Variants in OR8U3 observed in about 807,000 individuals in gnomAD.
The protein encoded by OR8U3 is olfactory receptor family 8 subfamily U member 3.
For missense variants in OR8U3, 429 were observed against 388.6 expected (o/e 1.10, Z -0.88); for synonymous variants, 170 against 147.0 (o/e 1.16, Z -1.13).
chr11:56,417,416 T>A lies in OR8U3; in HGVS notation c.817A>T (p.Met273Leu). The change falls in exon 1 of 1, where the codon ATG becomes TTG. Residue 273 changes from methionine to leucine, a missense_variant. Physicochemically the swap from Met to Leu is conservative, Grantham distance 15. Coordinates refer to ENST00000623286, the MANE Select transcript of OR8U3 (RefSeq NM_001004744.1). ...KSNHSLDTDK[M>L]ASVFYTVVIP... is the part of the protein sequence containing the mutation. ...ACCACTGTGTAAAATACAGAAGCCA[T>A]CTTGTCTGTGTCCAAGGAGTGATTT... 1 of 1,613,454 alleles carries A rather than the reference T, an allele frequency of 6.2e-7. No homozygotes were observed. Among genetic ancestry groups the A allele is most frequent in the Non-Finnish European group, 8.5e-7 (1 of 1,179,404 alleles).
rs372466016 is a variant in OR8U3, at chr11:56,417,750, A to C, written c.483T>G (p.Val161=). The part of the protein sequence containing the change: ...YSFLVALFHT[V]ITFRLTYCGP... The stretch of plus-strand genomic sequence containing the variant: ...CACAGTAAGTCAGACGGAAAGTGAT[A>C]ACGGTGTGGAAGAGGGCAACCAGGA... Residue 161 remains valine, a synonymous_variant, in exon 1 of 1, where the codon GTT becomes GTG. Coordinates refer to ENST00000623286, the MANE Select transcript of OR8U3 (RefSeq NM_001004744.1). 46 of 1,614,046 alleles carry C rather than the reference A, an allele frequency of 2.8e-5. No individual in the cohort carries two copies. In the African/African-American group the frequency reaches 5.5e-4, roughly 19 times the overall value.
In OR8U3 at chr11:56,417,609, G is replaced by A; in HGVS notation, c.624C>T (p.Ile208=). The change falls in exon 1 of 1, where the codon ATC becomes ATT. Residue 208 remains isoleucine, a synonymous_variant. Transcript: ENST00000623286. Reference sequence around the variant, plus strand: ...AGGTGAGGACAATGGAAGAGGAAGAGATCATATCAAAGCCAGCAAAGGCAA... The same window carrying A: ...AGGTGAGGACAATGGAAGAGGAAGAAATCATATCAAAGCCAGCAAAGGCAA... The part of the protein sequence containing the change: ...LIFAFAGFDM[I]SSSSIVLTSY... 6.2e-7 allele frequency: 1 copy of A among 1,613,962 alleles called. No homozygotes were observed. Among genetic ancestry groups the A allele is most frequent in the East Asian group, 2.2e-5 (1 of 44,872 alleles).
rs1565136003 is a variant in OR8U3, at chr11:56,417,492, A to G, written c.741T>C (p.Thr247=). The change falls in exon 1 of 1, where the codon ACT becomes ACC. Residue 247 remains threonine, a synonymous_variant. Transcript: ENST00000623286. The part of the protein sequence containing the change: ...AISTCGSHMV[T]VTIFYGTLIF... ...TCAGTGTGCCATAGAAAATAGTGAC[A>G]GTCACCATATGGGAGCCACAGGTGG... 6.2e-7 allele frequency: 1 copy of G among 1,614,026 alleles called. No individual in the cohort carries two copies. The highest frequency in any genetic ancestry group is 8.5e-7 in the Non-Finnish European group (1 of 1,179,920).
Position 56,418,060 on chromosome 11 carries a change from G to C in OR8U3, c.173C>G (p.Pro58Arg), listed in dbSNP as rs1056938120. ...CAGGTGGCTGAGGAAATAGTACATAGGTGTGTGGAGTCGAGTATCAATCTT... is the reference window on the plus strand; with the variant it reads ...CAGGTGGCTGAGGAAATAGTACATACGTGTGTGGAGTCGAGTATCAATCTT... Reference protein sequence around the residue: ...LIKIDTRLHTPMYYFLSHLAF... With the variant: ...LIKIDTRLHTRMYYFLSHLAF... Residue 58 changes from proline (P) to arginine (R), a missense_variant, in exon 1 of 1, where the codon CCT becomes CGT. By Grantham distance (103) the Pro-to-Arg change is moderately radical. Coordinates refer to ENST00000623286, the MANE Select transcript of OR8U3 (RefSeq NM_001004744.1). The C allele has an allele frequency of 6.2e-7, 1 of 1,613,768 alleles. No individual in the cohort carries two copies. The highest frequency in any genetic ancestry group is 2.2e-5 in the East Asian group (1 of 44,856).
rs1192989882 is a variant in OR8U3, at chr11:56,417,929, C to A, written c.304G>T (p.Gly102Cys). The stretch of plus-strand genomic sequence containing the variant: ...GTGATCATGAAGGTGAGAAAACAAC[C>A]CAGTTGGGTTGCACAAGCATGGAAA... ...IPFHACATQLGCFLTFMITEC... is the reference protein window; with the variant it reads ...IPFHACATQLCCFLTFMITEC... Residue 102 changes from glycine (G) to cysteine (C), a missense_variant, in exon 1 of 1, where the codon GGT (glycine) becomes TGT (cysteine). Transcript: ENST00000623286. 12 of 1,613,780 alleles carry A rather than the reference C, an allele frequency of 7.4e-6. 1 individual carries two copies. In the South Asian group the frequency reaches 7.7e-5, roughly 10 times the overall value.
At position 56,417,839 on chromosome 11, in the gene OR8U3, A is replaced by G. The variant is rs17150578; in HGVS notation, c.394T>C (p.Tyr132His). 9.0e-4 allele frequency: 1,455 copies of G among 1,613,824 alleles called. 15 individuals are homozygous for G. In the African/African-American group the frequency reaches 0.017, roughly 19 times the overall value. ...ACTCTTCTTGACATCAGTGTTGAAT[A>G]ATGCAGGGGACTACAGATGGCGACA... The part of the protein sequence containing the change: ...CYVAICSPLH[Y>H]STLMSRRVCI... Residue 132 changes from tyrosine to histidine, a missense_variant, in exon 1 of 1, where the codon TAT becomes CAT. By Grantham distance (83) the Tyr-to-His change is moderately conservative. Coordinates refer to ENST00000623286, the MANE Select transcript of OR8U3 (RefSeq NM_001004744.1).
At position 56,417,499 on chromosome 11, in the gene OR8U3, A is replaced by G. The variant is rs200366477; in HGVS notation, c.734T>C (p.Met245Thr). The change falls in exon 1 of 1, where the codon ATG (methionine) becomes ACG (threonine). Residue 245 changes from methionine (M) to threonine (T), a missense_variant. By Grantham distance (81) the Met-to-Thr change is moderately conservative. Coordinates refer to ENST00000623286, the MANE Select transcript of OR8U3 (RefSeq NM_001004744.1). ...HKAISTCGSH[M>T]VTVTIFYGTL... Reference sequence around the variant, plus strand: ...GCCATAGAAAATAGTGACAGTCACCATATGGGAGCCACAGGTGGAAATGGC... The same window carrying G: ...GCCATAGAAAATAGTGACAGTCACCGTATGGGAGCCACAGGTGGAAATGGC... 6 of 1,614,062 alleles carry G rather than the reference A, an allele frequency of 3.7e-6. No individual in the cohort carries two copies. Among genetic ancestry groups the G allele is most frequent in the Non-Finnish European group, 5.1e-6 (6 of 1,179,946 alleles).
In OR8U3 at chr11:56,417,904, G is replaced by A. The variant is rs1251565937; in HGVS notation, c.329C>T (p.Thr110Ile). Reference sequence around the variant, plus strand: ...CATGGAGGCTAGAAGGAAACACTCAGTGATCATGAAGGTGAGAAAACAACC... The same window carrying A: ...CATGGAGGCTAGAAGGAAACACTCAATGATCATGAAGGTGAGAAAACAACC... ...QLGCFLTFMI[T>I]ECFLLASMAY... Residue 110 changes from threonine (T) to isoleucine (I), a missense_variant, in exon 1 of 1, where the codon ACT (threonine) becomes ATT (isoleucine). Transcript: ENST00000623286. The A allele has an allele frequency of 2.5e-6, 4 of 1,613,882 alleles. No individual in the cohort carries two copies. In the South Asian group the frequency reaches 4.4e-5, roughly 18 times the overall value.
chr11:56,417,323 C>A lies in OR8U3; in HGVS notation c.910G>T (p.Ala304Ser). The change falls in exon 1 of 1, where the codon GCC becomes TCC. Residue 304 changes from alanine to serine, a missense_variant. Coordinates refer to ENST00000623286, the MANE Select transcript of OR8U3 (RefSeq NM_001004744.1). The stretch of plus-strand genomic sequence containing the variant: ...AAGTTTTCACAACCTTTATCCAAGG[C>A]TTTCTTTGAGGCATCTTTCACTTCT... ...NKEVKDASKK[A>S]LDKGCENLQI... is the part of the protein sequence containing the mutation. 3.8e-6 allele frequency: 6 copies of A among 1,589,702 alleles called. No individual in the cohort carries two copies. In the Middle Eastern group the frequency reaches 1.0e-3, roughly 266 times the overall value.
At position 56,417,267 on chromosome 11, in the gene OR8U3, T is replaced by C; in HGVS notation, c.966A>G (p.Lys322=). 4.5e-6 allele frequency: 6 copies of C among 1,334,474 alleles called. No homozygotes were observed. The highest frequency in any genetic ancestry group is 2.3e-5 in the Admixed American group (1 of 43,920). 82.7% of individuals were successfully genotyped at this position (1,334,474 alleles called of 1,614,324 possible). A position where few individuals can be genotyped will look rare whatever the true frequency, so the allele number is the denominator to read the frequency against. ...TTTATTTCCTGCTTGTTTAATAAAG[T>C]TTTCTTATTTTTAAAAATGTTAATA... ...LQILTFLKIR[K]LY is the part of the protein sequence containing the mutation. Residue 322 remains lysine (K), a synonymous_variant, in exon 1 of 1, where the codon AAA becomes AAG. Coordinates refer to ENST00000623286, the MANE Select transcript of OR8U3 (RefSeq NM_001004744.1).
chr11:56,417,831 T>C lies in OR8U3; in HGVS notation c.402A>G (p.Thr134=). ...VAICSPLHYS[T]LMSRRVCIQL... is the part of the protein sequence containing the mutation. ...GAATGCAGACTCTTCTTGACATCAG[T>C]GTTGAATAATGCAGGGGACTACAGA... is the stretch of plus-strand genomic sequence containing the variant. Residue 134 remains threonine (T), a synonymous_variant, in exon 1 of 1, where the codon ACA becomes ACG. Transcript: ENST00000623286. The C allele has an allele frequency of 6.2e-7, 1 of 1,613,776 alleles. No homozygotes were observed. Among genetic ancestry groups the C allele is most frequent in the Non-Finnish European group, 8.5e-7 (1 of 1,179,822 alleles).
Position 56,417,335 on chromosome 11 carries a change from C to T in OR8U3, c.898G>A (p.Ala300Thr), listed in dbSNP as rs145434076. Residue 300 changes from alanine to threonine, a missense_variant, in exon 1 of 1, where the codon GCC becomes ACC. Physicochemically the swap from Ala to Thr is moderately conservative, Grantham distance 58. Coordinates refer to ENST00000623286, the MANE Select transcript of OR8U3 (RefSeq NM_001004744.1). The part of the protein sequence containing the change: ...YSLRNKEVKD[A>T]SKKALDKGCE... ...CCTTTATCCAAGGCTTTCTTTGAGG[C>T]ATCTTTCACTTCTTTGTTCCTTAGA... The T allele has an allele frequency of 1.7e-4, 265 of 1,600,664 alleles. No homozygotes were observed. The African/African-American group carries it at 3.2e-3, about 19-fold the overall frequency.
chr11:56,418,047 G>A lies in OR8U3; in HGVS notation c.186C>T (p.Phe62=). 2 of 1,613,786 alleles carry A rather than the reference G, an allele frequency of 1.2e-6. No individual in the cohort carries two copies. The highest frequency in any genetic ancestry group is 1.7e-6 in the Non-Finnish European group (2 of 1,179,842). Residue 62 remains phenylalanine, a synonymous_variant, in exon 1 of 1, where the codon TTC becomes TTT. Transcript: ENST00000623286. ...DTRLHTPMYY[F]LSHLAFVDLC... The stretch of plus-strand genomic sequence containing the variant: ...GGTCAACAAAGGCCAGGTGGCTGAG[G>A]AAATAGTACATAGGTGTGTGGAGTC...
At position 56,417,785 on chromosome 11, in the gene OR8U3, T is replaced by C. The variant is rs1464900702; in HGVS notation, c.448A>G (p.Ile150Val). 2 of 1,613,838 alleles carry C rather than the reference T, an allele frequency of 1.2e-6. No individual in the cohort carries two copies. The highest frequency in any genetic ancestry group is 1.3e-5 in the African/African-American group (1 of 74,898). Residue 150 changes from isoleucine to valine, a missense_variant, in exon 1 of 1, where the codon ATA becomes GTA. Physicochemically the swap from Ile to Val is conservative, Grantham distance 29 (BLOSUM62 3). Transcript: ENST00000623286. ...VCIQLVAVPY[I>V]YSFLVALFHT... ...AAGAGGGCAACCAGGAAGCTGTATA[T>C]ATATGGAACTGCCACCAGTTGAATG...
In OR8U3 at chr11:56,417,717, G is replaced by T; in HGVS notation, c.516C>A (p.Asn172Lys). The T allele has an allele frequency of 6.2e-7, 1 of 1,614,008 alleles. No individual in the cohort carries two copies. Among genetic ancestry groups the T allele is most frequent in the East Asian group, 2.2e-5 (1 of 44,876 alleles). Residue 172 changes from asparagine (N) to lysine (K), a missense_variant, in exon 1 of 1, where the codon AAC (asparagine) becomes AAA (lysine). Asn to Lys is a moderately conservative substitution (Grantham distance 94, BLOSUM62 0). Transcript: ENST00000623286. Reference sequence around the variant, plus strand: ...CATCACAATAGAAATGGTTAATTAAGTTTGGGCCACAGTAAGTCAGACGGA... The same window carrying T: ...CATCACAATAGAAATGGTTAATTAATTTTGGGCCACAGTAAGTCAGACGGA... Reference protein sequence around the residue: ...ITFRLTYCGPNLINHFYCDDL... With the variant: ...ITFRLTYCGPKLINHFYCDDL...
At position 56,417,842 on chromosome 11, in the gene OR8U3, G is replaced by A. The variant is rs749435803; in HGVS notation, c.391C>T (p.His131Tyr). Residue 131 changes from histidine to tyrosine, a missense_variant, in exon 1 of 1, where the codon CAT becomes TAT. By Grantham distance (83) the His-to-Tyr change is moderately conservative. Coordinates refer to ENST00000623286, the MANE Select transcript of OR8U3 (RefSeq NM_001004744.1). ...DCYVAICSPL[H>Y]YSTLMSRRVC... ...CTTCTTGACATCAGTGTTGAATAAT[G>A]CAGGGGACTACAGATGGCGACATAG... is the stretch of plus-strand genomic sequence containing the variant. 2 of 1,613,746 alleles carry A rather than the reference G, an allele frequency of 1.2e-6. No individual in the cohort carries two copies. The highest frequency in any genetic ancestry group is 2.2e-5 in the East Asian group (1 of 44,872).
At position 56,417,390 on chromosome 11, in the gene OR8U3, C is replaced by T. The variant is rs752707132; in HGVS notation, c.843G>A (p.Val281=). ...AGATTAGGGGGTTTAACATGGGGAT[C>T]ACCACTGTGTAAAATACAGAAGCCA... ...DKMASVFYTV[V]IPMLNPLIYS... Residue 281 remains valine (V), a synonymous_variant, in exon 1 of 1, where the codon GTG becomes GTA. Coordinates refer to ENST00000623286, the MANE Select transcript of OR8U3 (RefSeq NM_001004744.1). The T allele has an allele frequency of 5.3e-5, 86 of 1,613,158 alleles. No individual in the cohort carries two copies. Among genetic ancestry groups the T allele is most frequent in the Non-Finnish European group, 7.1e-5 (84 of 1,179,330 alleles).
At position 56,417,917 on chromosome 11, in the gene OR8U3, T is replaced by C; in HGVS notation, c.316A>G (p.Thr106Ala). The C allele has an allele frequency of 6.2e-7, 1 of 1,613,580 alleles. No individual in the cohort carries two copies. The highest frequency in any genetic ancestry group is 8.5e-7 in the Non-Finnish European group (1 of 1,179,790). ...ACATQLGCFL[T>A]FMITECFLLA... is the part of the protein sequence containing the mutation. ...AGGAAACACTCAGTGATCATGAAGG[T>C]GAGAAAACAACCCAGTTGGGTTGCA... The change falls in exon 1 of 1, where the codon ACC (threonine) becomes GCC (alanine). Residue 106 changes from threonine to alanine, a missense_variant. Transcript: ENST00000623286.
At position 56,417,723 on chromosome 11, in the gene OR8U3, G is replaced by A; in HGVS notation, c.510C>T (p.Gly170=). ...AATAGAAATGGTTAATTAAGTTTGG[G>A]CCACAGTAAGTCAGACGGAAAGTGA... ...TVITFRLTYC[G]PNLINHFYCD... The change falls in exon 1 of 1, where the codon GGC becomes GGT. Residue 170 remains glycine, a synonymous_variant. Transcript: ENST00000623286. 6.2e-7 allele frequency: 1 copy of A among 1,614,022 alleles called. No individual in the cohort carries two copies. Among genetic ancestry groups the A allele is most frequent in the Non-Finnish European group, 8.5e-7 (1 of 1,179,942 alleles).
Sources: gnomAD v4.1 joint callset for allele counts on GRCh38, gnomAD v4.1.1 for gene constraint, MANE v1.5 for transcripts, NCBI Gene and HGNC (gene_info 2026-07-23, HGNC 2026-07-21) for gene names.